The following CNTNAP2 variants were observed in gnomAD, a reference collection of about 807,000 sequenced individuals.
The protein encoded by CNTNAP2 is contactin associated protein 2, also known as contactin-associated protein-like 2.
In CNTNAP2, 98 loss-of-function variants were observed where a neutral mutation model predicts 155.2. That is an observed-to-expected ratio of 0.63 (90% CI 0.54 to 0.75). The LOEUF (loss-of-function observed/expected upper bound fraction) is 0.75. Among genes scored for constraint, CNTNAP2 ranks in the 30% least tolerant of loss-of-function variants. The pLI is 0.00. For synonymous variants in CNTNAP2, 651 were observed against 631.2 expected (o/e 1.03, Z -0.47); for missense variants, 1,727 against 1,688.1 (o/e 1.02, Z -0.40).
chr7:146,222,423 TCA>T (rs1257538599), intron 1 of CNTNAP2, among the ~76,000 whole-genome samples: 1 of 151,904 alleles, frequency 6.6e-6, no homozygotes, highest in Non-Finnish European at 1.5e-5. Flanking sequence ...AAATCAATGG[TCA>T]GATATGTTAA....
chr7:147,618,593 T>G (rs1801335290), intron 12 of CNTNAP2, among the ~76,000 whole-genome samples: 1 of 151,316 alleles, frequency 6.6e-6, no homozygotes. Context: ...AACTTCAGAC[T>G]GTATATGAAT....
At chr7:146,681,428 G>T (rs114753318) in intron 1 of CNTNAP2, among the ~76,000 whole-genome samples, 1,150 of 105,102 alleles carry the variant, frequency 0.011, 31 homozygotes, top group African/African-American at 0.041. Context: ...TCCTGTGGGT[G>T]GGGGGTGGAG....
chr7:146,928,061 C>T (rs764903519), intron 3 of CNTNAP2, among the ~76,000 whole-genome samples: 1 of 151,740 alleles, frequency 6.6e-6, no homozygotes, highest in African/African-American at 2.4e-5. Flanking sequence ...TACCTGCATT[C>T]TTCACTGCCT....
intron 13 of CNTNAP2, among the ~76,000 whole-genome samples, chr7:147,867,220 C>A (rs897769881): frequency 1.3e-5 from 2 of 152,130 alleles, no homozygotes; most frequent in Non-Finnish European, 2.9e-5. Context: ...CTTATTTTGG[C>A]TGGATATGAA....
intron 10 of CNTNAP2, among the ~76,000 whole-genome samples, chr7:147,467,886 C>A (rs1054016033): frequency 6.6e-6 from 1 of 151,754 alleles, no homozygotes; most frequent in Admixed American, 6.6e-5. Flanking sequence ...TAAAAATCAG[C>A]CAGGCATGGT....
chr7:146,279,891 A>C (rs1236913214), intron 1 of CNTNAP2, among the ~76,000 whole-genome samples: 1 of 151,788 alleles, frequency 6.6e-6, no homozygotes, highest in Non-Finnish European at 1.5e-5. Flanking sequence ...ACTTAAAAAA[A>C]TATATAATGT....
rs566706864 is a variant in CNTNAP2, at chr7:148,159,950, AC to A, written c.2773+12243del. On this transcript the variant is annotated intron_variant, in intron 17 of 23. Coordinates refer to ENST00000361727, the MANE Select transcript of CNTNAP2 (RefSeq NM_014141.6). ...CAGTTTTGTCTCTGCTCTTAAAACT[AC>A]CACACTGCTGGGCGCGGTGGCTCAC... is the stretch of plus-strand genomic sequence containing the variant. Among the ~76,000 whole-genome samples the A allele has an allele frequency of 3.1e-4, 47 of 152,196 alleles. 2 individuals carry two copies. In the South Asian group the frequency reaches 8.9e-3, roughly 29 times the overall value.
At chr7:147,175,850 T>C (rs187185541) in intron 8 of CNTNAP2, among the ~76,000 whole-genome samples, 1 of 152,322 alleles carries the variant, frequency 6.6e-6, no homozygotes, top group East Asian at 1.9e-4. Flanking sequence ...ACAAGCTCTC[T>C]AACTGCTCTA....
At chr7:147,724,271 T>C (rs1796609305) in intron 13 of CNTNAP2, among the ~76,000 whole-genome samples, 1 of 152,032 alleles carries the variant, frequency 6.6e-6, no homozygotes. Context: ...TCTAGCTATT[T>C]GTACAATACA....
At chr7:147,075,418 G>A (rs1243211800) in intron 4 of CNTNAP2, among the ~76,000 whole-genome samples, 3 of 151,944 alleles carry the variant, frequency 2.0e-5, no homozygotes, top group African/African-American at 4.8e-5. Flanking sequence ...AACTGAAGAT[G>A]GTATTACAAC....
chr7:146,740,955 G>A (rs145403587), intron 1 of CNTNAP2, among the ~76,000 whole-genome samples: 20 of 152,118 alleles, frequency 1.3e-4, no homozygotes, highest in Non-Finnish European at 2.4e-4. Context: ...TGTCCTGGTG[G>A]GTCTATAGGC....
At chr7:146,478,395 A>G (rs1441015860) in intron 1 of CNTNAP2, among the ~76,000 whole-genome samples, 1 of 152,006 alleles carries the variant, frequency 6.6e-6, no homozygotes, top group African/African-American at 2.4e-5. Context: ...GTGCTAATTA[A>G]GTTCTAAGCT....
At chr7:146,387,993 CAT>C (rs553315534) in intron 1 of CNTNAP2, among the ~76,000 whole-genome samples, 13 of 148,352 alleles carry the variant, frequency 8.8e-5, no homozygotes, top group Admixed American at 7.3e-4. Context: ...TTTTTTATAT[CAT>C]GTGTGTGCAT....
chr7:146,195,249 G>A (rs1000853062), intron 1 of CNTNAP2: 9 of 152,096 alleles, frequency 5.9e-5, no homozygotes, highest in African/African-American at 1.9e-4. Flanking sequence ...TGGAAAAAAC[G>A]GTTTGCACTA....
chr7:146,812,672 G>A (rs1803089893), intron 2 of CNTNAP2, among the ~76,000 whole-genome samples: 1 of 152,014 alleles, frequency 6.6e-6, no homozygotes, highest in Non-Finnish European at 1.5e-5. Context: ...GAGAAATTCA[G>A]GCTCACTACA....
At chr7:147,206,174 T>A (rs1335130160) in intron 8 of CNTNAP2, among the ~76,000 whole-genome samples, 1 of 152,056 alleles carries the variant, frequency 6.6e-6, no homozygotes, top group Non-Finnish European at 1.5e-5. Flanking sequence ...GCTTACAAGC[T>A]TCTTTGTTAA....
At chr7:147,162,992 T>G (rs112361031) in intron 8 of CNTNAP2, among the ~76,000 whole-genome samples, 117 of 152,240 alleles carry the variant, frequency 7.7e-4, no homozygotes, top group African/African-American at 2.6e-3. Flanking sequence ...GCTCTTCTCG[T>G]GGCGATGATA....
chr7:146,561,454 A>C (rs1186218353), intron 1 of CNTNAP2, among the ~76,000 whole-genome samples: 1 of 152,132 alleles, frequency 6.6e-6, no homozygotes, highest in East Asian at 1.9e-4. Context: ...CAGGAGTTCC[A>C]GACCAGCCTA....
chr7:146,641,479 C>T (rs530059298), intron 1 of CNTNAP2, among the ~76,000 whole-genome samples: 1 of 152,162 alleles, frequency 6.6e-6, no homozygotes, highest in African/African-American at 2.4e-5. Flanking sequence ...TAAGAAGTAG[C>T]TGGACAGTTA....
Sources: allele counts gnomAD v4.1 joint callset (sites outside exome capture counted in the v4.1 genomes callset), GRCh38; gene constraint gnomAD v4.1.1; transcripts MANE v1.5; gene names NCBI Gene and HGNC (gene_info 2026-07-23, HGNC 2026-07-21).